SSBP3: variants seen among roughly 807,000 people sequenced by gnomAD.
SSBP3 encodes single stranded DNA binding protein 3.
SSBP3 carries 5 observed loss-of-function variants against 69.6 expected under a neutral mutation model. That is an observed-to-expected ratio of 0.07 (90% CI 0.04 to 0.15). The LOEUF (loss-of-function observed/expected upper bound fraction) is 0.15, where lower values mean the gene tolerates loss of function less well. Among genes scored for constraint, SSBP3 ranks in the 10% least tolerant of loss-of-function variants. The pLI is 1.00. For missense variants in SSBP3, 312 were observed against 534.0 expected (o/e 0.58, Z 4.10); for synonymous variants, 196 against 193.4 (o/e 1.01, Z -0.11).
At chr1:54,304,875 A>C (rs1017626623) in intron 4 of SSBP3, among the ~76,000 whole-genome samples, 3 of 152,166 alleles carry the variant, frequency 2.0e-5, no homozygotes, top group Non-Finnish European at 4.4e-5. Flanking sequence ...TGAGAAGGCA[A>C]TCACAGATAA....
At chr1:54,349,746 T>C (rs1646751853) in intron 4 of SSBP3, among the ~76,000 whole-genome samples, 2 of 152,164 alleles carry the variant, frequency 1.3e-5, no homozygotes, top group Admixed American at 6.5e-5. Flanking sequence ...AATCATTATT[T>C]TACAGATATC....
chr1:54,242,995 T>C (rs1644667762), intron 10 of SSBP3: 1 of 512,722 alleles, frequency 2.0e-6, no homozygotes. Context: ...CATAGGGTAA[T>C]CATGAAGATG....
At chr1:54,400,259 G>A (rs983085781) in intron 4 of SSBP3, among the ~76,000 whole-genome samples, 2 of 152,156 alleles carry the variant, frequency 1.3e-5, no homozygotes, top group Admixed American at 6.5e-5. Flanking sequence ...GCATAGATAT[G>A]CTACATCAAG....
At chr1:54,327,951 G>A (rs1052332262) in intron 4 of SSBP3, among the ~76,000 whole-genome samples, 2 of 152,190 alleles carry the variant, frequency 1.3e-5, no homozygotes, top group Non-Finnish European at 2.9e-5. Flanking sequence ...ACCAAATATA[G>A]TTCCGTAAGC....
At chr1:54,240,488 G>A (rs1644613386) in intron 13 of SSBP3, among the ~76,000 whole-genome samples, 1 of 120,938 alleles carries the variant, frequency 8.3e-6, no homozygotes, top group South Asian at 3.2e-4. Flanking sequence ...GGGGGGCGGG[G>A]GGGAGAAGGG....
At chr1:54,391,347 C>A (rs1206858920) in intron 4 of SSBP3, among the ~76,000 whole-genome samples, 1 of 152,124 alleles carries the variant, frequency 6.6e-6, no homozygotes, top group Non-Finnish European at 1.5e-5. Context: ...GATCTTGTAC[C>A]TTGGTCATCC....
chr1:54,403,883 G>T (rs187722705), intron 3 of SSBP3, among the ~76,000 whole-genome samples: 48 of 152,196 alleles, frequency 3.2e-4, no homozygotes, highest in African/African-American at 1.2e-3. Context: ...CCAGACCTGC[G>T]GTGGCCCCAC....
rs567360044 is a variant in SSBP3 at position 54,380,521 on chromosome 1, G to A, written c.276+21340C>T. On this transcript the variant is annotated intron_variant, in intron 4 of 17. Transcript: ENST00000610401. ...ATTTTCAAAAAGAAAACGGGAGGGG[G>A]AAAGAAGCCATCTGTATCTCAAGTC... 4.6e-5 allele frequency among the ~76,000 whole-genome samples: 7 copies of A among 152,338 alleles called. No individual in the cohort carries two copies. The South Asian group carries it at 1.2e-3, about 27-fold the overall frequency.
chr1:54,355,942 T>TCAACA (rs1249972405), intron 4 of SSBP3, among the ~76,000 whole-genome samples: 1 of 152,192 alleles, frequency 6.6e-6, no homozygotes, highest in Non-Finnish European at 1.5e-5. Context: ...GCTCGTGCCA[T>TCAACA]CAACACTGTT....
At chr1:54,277,185 G>C (rs1645303645) in intron 5 of SSBP3, among the ~76,000 whole-genome samples, 1 of 151,860 alleles carries the variant, frequency 6.6e-6, no homozygotes, top group South Asian at 2.1e-4. Context: ...AAGAGGATAT[G>C]TACCACCACC....
At chr1:54,277,260 A>G (rs1049175005) in intron 5 of SSBP3, among the ~76,000 whole-genome samples, 3 of 152,104 alleles carry the variant, frequency 2.0e-5, no homozygotes, top group Non-Finnish European at 4.4e-5. Context: ...ACACAGCTTC[A>G]GAATCATTCT....
intron 4 of SSBP3, among the ~76,000 whole-genome samples, chr1:54,315,360 G>A (rs1294256647): frequency 1.3e-5 from 2 of 152,136 alleles, no homozygotes; most frequent in Non-Finnish European, 2.9e-5. Flanking sequence ...GTCCCTGGCA[G>A]TCAAGGAAAA....
chr1:54,389,378 G>A (rs1347759350), intron 4 of SSBP3, among the ~76,000 whole-genome samples: 1 of 151,982 alleles, frequency 6.6e-6, no homozygotes, highest in East Asian at 1.9e-4. Flanking sequence ...TTTCTTCCTG[G>A]ACGAGGTCAT....
At chr1:54,400,612 A>C (rs213499) in intron 4 of SSBP3, among the ~76,000 whole-genome samples, 90,168 of 152,108 alleles carry the variant, frequency 0.59, 28,523 homozygotes, top group African/African-American at 0.81. Flanking sequence ...CTGAAGAGGG[A>C]ACAAGAACTG....
intron 5 of SSBP3, 100 bp downstream of exon 5, chr1:54,281,338 G>A: frequency 1.1e-6 from 1 of 928,662 alleles, no homozygotes; most frequent in South Asian, 1.7e-5. Context: ...TTTAGACCAT[G>A]GCAAACTGAG....
At chr1:54,332,091 C>T (rs184997573) in intron 4 of SSBP3, among the ~76,000 whole-genome samples, 1 of 152,326 alleles carries the variant, frequency 6.6e-6, no homozygotes, top group African/African-American at 2.4e-5. Flanking sequence ...TGCCCAAGGT[C>T]GCACAGCTCC....
intron 4 of SSBP3, among the ~76,000 whole-genome samples, chr1:54,327,271 A>AGGAAGG (rs1553139345): frequency 6.0e-5 from 9 of 151,178 alleles, no homozygotes; most frequent in Admixed American, 1.3e-4. Flanking sequence ...GAAGGAAGGA[A>AGGAAGG]AACAACAACA....
intron 4 of SSBP3, among the ~76,000 whole-genome samples, chr1:54,338,160 G>A (rs1436130106): frequency 6.6e-6 from 1 of 152,232 alleles, no homozygotes; most frequent in Non-Finnish European, 1.5e-5. Context: ...AGTTGCCTGT[G>A]ACTGCCCCTG....
At chr1:54,412,565 A>ACCTTGG in intron 1 of SSBP3, 1 of 152,298 alleles carries the variant, frequency 6.6e-6, no homozygotes. Flanking sequence ...GTTAGCGTTT[A>ACCTTGG]ATGATAATAG....
Sources: allele counts gnomAD v4.1 joint callset (sites outside exome capture counted in the v4.1 genomes callset), GRCh38; gene constraint gnomAD v4.1.1; transcripts MANE v1.5; gene names NCBI Gene and HGNC (gene_info 2026-07-23, HGNC 2026-07-21).